Variants in SPAG16 observed in about 807,000 individuals in gnomAD.
SPAG16 encodes the protein sperm associated antigen 16, also known as sperm-associated antigen 16 protein.
SPAG16 carries 86 observed loss-of-function variants against 80.4 expected under a neutral mutation model. That is an observed-to-expected ratio of 1.07 (90% CI 0.90 to 1.28). The LOEUF is 1.28. Among genes scored for constraint, SPAG16 ranks in the 50% most tolerant of loss-of-function variants. SPAG16 has a pLI of 0.00. For synonymous variants in SPAG16, 294 were observed against 265.9 expected (o/e 1.11, Z -1.03); for missense variants, 870 against 765.3 (o/e 1.14, Z -1.61).
At chr2:213,314,055 C>A (rs971313758) in intron 4 of SPAG16, among the ~76,000 whole-genome samples, 1 of 151,818 alleles carries the variant, frequency 6.6e-6, no homozygotes, top group Non-Finnish European at 1.5e-5. Flanking sequence ...TCTGTTTTTA[C>A]TGGAATTCTG....
intron 15 of SPAG16, among the ~76,000 whole-genome samples, chr2:214,220,437 G>A (rs2058537801): frequency 6.6e-6 from 1 of 152,088 alleles, no homozygotes; most frequent in South Asian, 2.1e-4. Flanking sequence ...AATTTTAGTT[G>A]CATTTGAGTT....
chr2:213,642,878 ATCTCT>A (rs1216441810), intron 10 of SPAG16, among the ~76,000 whole-genome samples: 1 of 147,860 alleles, frequency 6.8e-6, no homozygotes, highest in Non-Finnish European at 1.5e-5. Context: ...CCCAGCCTAC[ATCTCT>A]TTTCCATGCT....
At chr2:214,028,079 T>G (rs1256558724) in intron 13 of SPAG16, among the ~76,000 whole-genome samples, 2 of 152,000 alleles carry the variant, frequency 1.3e-5, no homozygotes, top group East Asian at 3.9e-4. Context: ...TTTTATGATG[T>G]GTGAGATTGT....
At chr2:213,514,498 G>A (rs1181701761) in intron 10 of SPAG16, among the ~76,000 whole-genome samples, 1 of 151,606 alleles carries the variant, frequency 6.6e-6, no homozygotes, top group African/African-American at 2.4e-5. Context: ...TTAAGTTTTA[G>A]GGTACATGTG....
chr2:213,326,724 C>T (rs898778123), intron 5 of SPAG16, among the ~76,000 whole-genome samples: 5 of 151,938 alleles, frequency 3.3e-5, no homozygotes, highest in African/African-American at 1.2e-4. Context: ...AGATAGCCTA[C>T]TTCGATGCAG....
intron 10 of SPAG16, among the ~76,000 whole-genome samples, chr2:213,696,154 T>A (rs2065145242): frequency 6.6e-6 from 1 of 152,174 alleles, no homozygotes; most frequent in Non-Finnish European, 1.5e-5. Context: ...GAATAACTCC[T>A]AGTGTTTTTT....
At chr2:213,850,353 T>A (rs1345012641) in intron 10 of SPAG16, among the ~76,000 whole-genome samples, 1 of 152,204 alleles carries the variant, frequency 6.6e-6, no homozygotes, top group African/African-American at 2.4e-5. Flanking sequence ...ATTTGTTTAA[T>A]CCAAGTTTTA....
chr2:214,151,649 TGAG>T (rs2055978400), intron 15 of SPAG16, among the ~76,000 whole-genome samples: 1 of 152,100 alleles, frequency 6.6e-6, no homozygotes, highest in Non-Finnish European at 1.5e-5. Flanking sequence ...GAACATGTAT[TGAG>T]GGCTCACATT....
intron 12 of SPAG16, among the ~76,000 whole-genome samples, chr2:213,957,514 C>T (rs1422025744): frequency 6.6e-6 from 1 of 151,654 alleles, no homozygotes; most frequent in Non-Finnish European, 1.5e-5. Flanking sequence ...CGGTTGCAAA[C>T]AGGATATAGT....
intron 10 of SPAG16, among the ~76,000 whole-genome samples, chr2:213,704,626 C>A (rs1244711791): frequency 6.6e-6 from 1 of 151,700 alleles, no homozygotes; most frequent in African/African-American, 2.4e-5. Flanking sequence ...AAAAAAAAAA[C>A]CCTGAATAAT....
intron 10 of SPAG16, among the ~76,000 whole-genome samples, chr2:213,780,256 A>G (rs1270449598): frequency 1.3e-5 from 2 of 152,202 alleles, no homozygotes; most frequent in Non-Finnish European, 2.9e-5. Flanking sequence ...TTACTATCAC[A>G]TGGCATCACA....
intron 5 of SPAG16, among the ~76,000 whole-genome samples, chr2:213,321,894 G>A (rs1209447532): frequency 6.6e-6 from 1 of 152,004 alleles, no homozygotes; most frequent in Non-Finnish European, 1.5e-5. Context: ...GAAAAGGAGA[G>A]CATACGTTTT....
At chr2:213,951,021 T>TTG (rs200818392) in intron 12 of SPAG16, among the ~76,000 whole-genome samples, 1,780 of 149,938 alleles carry the variant, frequency 0.012, 19 homozygotes, top group Non-Finnish European at 0.02. Context: ...CTGACATAGT[T>TTG]TTTTTTTTTT....
chr2:214,034,758 T>C (rs555603447), intron 13 of SPAG16, among the ~76,000 whole-genome samples: 3 of 152,242 alleles, frequency 2.0e-5, no homozygotes, highest in African/African-American at 4.8e-5. Flanking sequence ...CAAAGCCCCA[T>C]AGAGGATGTC....
Position 214,000,516 on chromosome 2 carries a change from T to C in SPAG16, c.1401-13435T>C, listed in dbSNP as rs558295883. Among the ~76,000 whole-genome samples, 16 of 152,328 alleles carry C rather than the reference T, an allele frequency of 1.1e-4. No individual in the cohort carries two copies. In the East Asian group the frequency reaches 3.1e-3, roughly 29 times the overall value. On this transcript the variant is annotated intron_variant, in intron 12 of 15. Transcript: ENST00000331683. Reference sequence around the variant, plus strand: ...TCAGAGAACACGAAGATTTGTCGTTTCATTAAAAATAAATATTTATTGAGT... The same window carrying C: ...TCAGAGAACACGAAGATTTGTCGTTCCATTAAAAATAAATATTTATTGAGT...
At chr2:214,408,269 GT>G (rs1172521526) in intron 15 of SPAG16, among the ~76,000 whole-genome samples, 1 of 152,056 alleles carries the variant, frequency 6.6e-6, no homozygotes, top group Non-Finnish European at 1.5e-5. Flanking sequence ...AGAAATCAGT[GT>G]TTACCCCACT....
intron 14 of SPAG16, among the ~76,000 whole-genome samples, chr2:214,130,609 C>A (rs946655189): frequency 6.6e-6 from 1 of 152,144 alleles, no homozygotes; most frequent in African/African-American, 2.4e-5. Flanking sequence ...TTCCAGAAAC[C>A]CTACTGCCCT....
chr2:214,373,433 C>T (rs6726484), intron 15 of SPAG16, among the ~76,000 whole-genome samples: 1,848 of 152,082 alleles, frequency 0.012, 27 homozygotes, highest in Non-Finnish European at 0.017. Flanking sequence ...CAGAACAATA[C>T]CAAAGGTAGT....
chr2:213,930,517 T>C (rs1403694015), intron 12 of SPAG16, among the ~76,000 whole-genome samples: 1 of 152,224 alleles, frequency 6.6e-6, no homozygotes, highest in Non-Finnish European at 1.5e-5. Context: ...TTAAATGTAA[T>C]AGTTCAACGA....
Sources: gnomAD v4.1 joint callset for allele counts (sites outside exome capture counted in the v4.1 genomes callset) on GRCh38, gnomAD v4.1.1 for gene constraint, MANE v1.5 for transcripts, NCBI Gene and HGNC (gene_info 2026-07-23, HGNC 2026-07-21) for gene names.